ASTN1: variants seen among roughly 807,000 people sequenced by gnomAD.
ASTN1 encodes the protein astrotactin-1.
ASTN1 carries 41 observed loss-of-function variants against 140.7 expected under a neutral mutation model. That is an observed-to-expected ratio of 0.29 (90% CI 0.23 to 0.38). The LOEUF (loss-of-function observed/expected upper bound fraction) is 0.38, where lower values mean the gene tolerates loss of function less well. Among genes scored for constraint, ASTN1 ranks in the 10% least tolerant of loss-of-function variants. ASTN1 has a pLI of 1.00. For synonymous variants in ASTN1, 640 were observed against 652.2 expected, an observed-to-expected ratio of 0.98 and a Z score of 0.29; for missense variants, 1,479 against 1,678.8, an observed-to-expected ratio of 0.88 and a Z score of 2.08.
chr1:176,911,654 A>G (rs1226125599), intron 16 of ASTN1, among the ~76,000 whole-genome samples: 1 of 152,170 alleles, frequency 6.6e-6, no homozygotes. Context: ...TAGGGGCAGT[A>G]AGATGCTTGG....
chr1:177,042,485 C>A (rs1291098285), intron 2 of ASTN1, among the ~76,000 whole-genome samples: 1 of 152,218 alleles, frequency 6.6e-6, no homozygotes, highest in Non-Finnish European at 1.5e-5. Context: ...ATGTGCTTAA[C>A]TCTTCCTCCA....
intron 16 of ASTN1, among the ~76,000 whole-genome samples, chr1:176,928,540 AG>A (rs1212522912): frequency 7.9e-5 from 12 of 152,158 alleles, no homozygotes; most frequent in Admixed American, 6.6e-4. Context: ...TCTGAGTGTC[AG>A]GGGAGGCTTG....
chr1:177,040,469 C>A (rs1433427965), intron 2 of ASTN1, among the ~76,000 whole-genome samples: 1 of 152,148 alleles, frequency 6.6e-6, no homozygotes, highest in Non-Finnish European at 1.5e-5. Context: ...GACCAAGTAT[C>A]CAAGGCTTAG....
At position 177,164,413 on chromosome 1, in the gene ASTN1, C is replaced by T. The variant is rs776099003; in HGVS notation, c.264G>A (p.Glu88=). ...MVVVDDLENT[E]LPYFVLEISG... ...ACTCACCCAGCACGAAGTAGGGCAG[C>T]TCCGTGTTCTCCAGGTCGTCCACCA... Residue 88 remains glutamate, a synonymous_variant, in exon 1 of 23, where the codon GAG becomes GAA. Transcript: ENST00000361833. The T allele has an allele frequency of 6.2e-7, 1 of 1,609,962 alleles. No homozygotes were observed. The highest frequency in any genetic ancestry group is 1.1e-5 in the South Asian group (1 of 90,456).
At chr1:176,952,579 A>G (rs758231971) in intron 11 of ASTN1, among the ~76,000 whole-genome samples, 14 of 152,062 alleles carry the variant, frequency 9.2e-5, no homozygotes, top group Non-Finnish European at 1.6e-4. Context: ...TTCCTAAGGT[A>G]TAAATTTGTT....
At chr1:177,148,709 C>A (rs942715239) in intron 1 of ASTN1, among the ~76,000 whole-genome samples, 2 of 150,684 alleles carry the variant, frequency 1.3e-5, no homozygotes, top group African/African-American at 4.9e-5. Flanking sequence ...GTGCATTACC[C>A]AAGAAAAGAA....
At chr1:177,107,852 G>A (rs1372283961) in intron 1 of ASTN1, among the ~76,000 whole-genome samples, 2 of 152,150 alleles carry the variant, frequency 1.3e-5, no homozygotes, top group Non-Finnish European at 2.9e-5. Flanking sequence ...CCTGACGGAT[G>A]AATGTAGATG....
chr1:177,063,152 C>T (rs1406447323), intron 1 of ASTN1, among the ~76,000 whole-genome samples: 1 of 152,020 alleles, frequency 6.6e-6, no homozygotes, highest in Non-Finnish European at 1.5e-5. Context: ...AAGGGTAGGG[C>T]AATTAGAAGG....
intron 16 of ASTN1, among the ~76,000 whole-genome samples, chr1:176,922,387 G>A (rs1204798033): frequency 6.6e-6 from 1 of 151,870 alleles, no homozygotes; most frequent in Non-Finnish European, 1.5e-5. Flanking sequence ...TGGAGGATGT[G>A]CCTGACAGCT....
At chr1:176,970,583 G>GTAGA (rs1673097445) in intron 8 of ASTN1, among the ~76,000 whole-genome samples, 2 of 151,872 alleles carry the variant, frequency 1.3e-5, no homozygotes, top group African/African-American at 4.8e-5. Context: ...AGGTAGGTAG[G>GTAGA]TAGGTAGATA....
chr1:176,857,645 G>A (rs1667852455), downstream of ASTN1: 6 of 618,752 alleles, frequency 9.7e-6, no homozygotes, highest in Non-Finnish European at 1.5e-5. Context: ...CCAACACGCT[G>A]GAAGCCTGTT....
intron 19 of ASTN1, among the ~76,000 whole-genome samples, chr1:176,884,013 G>C (rs1390894146): frequency 6.6e-6 from 1 of 152,202 alleles, no homozygotes; most frequent in Non-Finnish European, 1.5e-5. Context: ...TGTGGGCTAG[G>C]ATAACTAGTG....
intron 1 of ASTN1, among the ~76,000 whole-genome samples, chr1:177,073,580 GT>G (rs1321978323): frequency 6.1e-5 from 9 of 146,372 alleles, no homozygotes. Context: ...ATTGCATCTA[GT>G]ATGTGCCAGG....
intron 1 of ASTN1, among the ~76,000 whole-genome samples, chr1:177,104,188 C>T (rs897691879): frequency 6.6e-6 from 1 of 152,144 alleles, no homozygotes; most frequent in Non-Finnish European, 1.5e-5. Context: ...ACTTCAGTCA[C>T]AGCTGGCAAG....
chr1:176,875,947 G>A (rs574787397), intron 21 of ASTN1, among the ~76,000 whole-genome samples: 1 of 152,332 alleles, frequency 6.6e-6, no homozygotes, highest in East Asian at 1.9e-4. Context: ...GGTAAGCTTT[G>A]TGCAATGGAT....
chr1:176,963,718 T>G (rs1672761008), intron 9 of ASTN1, among the ~76,000 whole-genome samples: 1 of 152,200 alleles, frequency 6.6e-6, no homozygotes, highest in Non-Finnish European at 1.5e-5. Flanking sequence ...ATGGGGAACT[T>G]ATCCATGTCA....
At chr1:177,110,849 A>T (rs1256329532) in intron 1 of ASTN1, among the ~76,000 whole-genome samples, 2 of 152,220 alleles carry the variant, frequency 1.3e-5, no homozygotes, top group Non-Finnish European at 2.9e-5. Context: ...AAAGTCCTCC[A>T]ATTTCAGGTT....
At chr1:176,902,627 C>A (rs994625447) in intron 16 of ASTN1, among the ~76,000 whole-genome samples, 2 of 152,102 alleles carry the variant, frequency 1.3e-5, no homozygotes, top group Non-Finnish European at 2.9e-5. Flanking sequence ...GACTAAACAG[C>A]CTCCCGTATG....
chr1:176,906,999 A>C (rs1447894387), intron 16 of ASTN1, among the ~76,000 whole-genome samples: 1 of 152,222 alleles, frequency 6.6e-6, no homozygotes. Flanking sequence ...TGACTAGCAC[A>C]AGTATTCATG....
Sources: gnomAD v4.1 joint callset for allele counts (sites outside exome capture counted in the v4.1 genomes callset) on GRCh38, gnomAD v4.1.1 for gene constraint, MANE v1.5 for transcripts, NCBI Gene and HGNC (gene_info 2026-07-23, HGNC 2026-07-21) for gene names.